Variants in CLVS1 observed in about 807,000 individuals in gnomAD.
CLVS1 encodes the protein clavesin 1.
In CLVS1, 10 loss-of-function variants were observed where a neutral mutation model predicts 33.1. That is an observed-to-expected ratio of 0.30 (90% CI 0.19 to 0.51). The LOEUF is 0.51. Among genes scored for constraint, CLVS1 ranks in the 20% least tolerant of loss-of-function variants. CLVS1 has a pLI of 0.97. For synonymous variants in CLVS1, 163 were observed against 166.1 expected (o/e 0.98, Z 0.14); for missense variants, 343 against 433.4 (o/e 0.79, Z 1.85).
At chr8:61,464,562 G>A (rs895405597) in intron 5 of CLVS1, 1 of 152,224 alleles carries the variant, frequency 6.6e-6, no homozygotes, top group Admixed American at 6.5e-5. Context: ...AGCGTTCTGA[G>A]GAAGAATCAC....
At chr8:60,970,758 T>C in the CLVS1 span, among the ~76,000 whole-genome samples, 1 of 152,238 alleles carries the variant, frequency 6.6e-6, no homozygotes, top group South Asian at 2.1e-4. Context: ...TGTGACTTGG[T>C]ATATGTCATG....
intron 2 of CLVS1, among the ~76,000 whole-genome samples, chr8:61,340,439 A>G (rs1024061661): frequency 1.3e-5 from 2 of 152,082 alleles, no homozygotes; most frequent in African/African-American, 4.8e-5. Flanking sequence ...ATCATGCGGC[A>G]TTTGTCTTTC....
At chr8:61,349,516 G>A (rs7011398) in intron 2 of CLVS1, among the ~76,000 whole-genome samples, 2,543 of 152,130 alleles carry the variant, frequency 0.017, 78 homozygotes, top group African/African-American at 0.057. Flanking sequence ...CTGAGGTGGG[G>A]AACAGTGAGA....
chr8:61,271,034 A>C (rs1419810089), intron 2 of CLVS1, among the ~76,000 whole-genome samples: 2 of 143,806 alleles, frequency 1.4e-5, no homozygotes, highest in Non-Finnish European at 3.1e-5. Context: ...CTCTGATTTT[A>C]GTTATTTCTT....
chr8:61,441,663 G>A (rs1816551250), intron 3 of CLVS1, among the ~76,000 whole-genome samples: 1 of 152,138 alleles, frequency 6.6e-6, no homozygotes, highest in Non-Finnish European at 1.5e-5. Context: ...TGAGCCAACG[G>A]CCACGGGTGA....
the CLVS1 span, among the ~76,000 whole-genome samples, chr8:61,002,938 A>G: frequency 6.6e-6 from 1 of 152,174 alleles, no homozygotes; most frequent in South Asian, 2.1e-4. Context: ...GCTGCCTTAC[A>G]TTTTGCTTTT....
the CLVS1 span, among the ~76,000 whole-genome samples, chr8:61,000,028 GA>G: frequency 6.6e-6 from 1 of 152,204 alleles, no homozygotes; most frequent in Non-Finnish European, 1.5e-5. Context: ...AAGTGAGGAA[GA>G]GCTGCATCTG....
rs569089495 is a variant in CLVS1, at chr8:61,103,938, C to G, written c.-242-27832C>G. ...TATCATCCCTCATCTGGAAGCTTAA[C>G]AAAACACTAACTACAAAGTCTTTGG... On this transcript the variant is annotated intron_variant, in intron 1 of 2. Coordinates refer to the CLVS1 transcript ENST00000522621. 2.0e-5 allele frequency among the ~76,000 whole-genome samples: 3 copies of G among 152,308 alleles called. No individual in the cohort carries two copies. The East Asian group carries it at 5.8e-4, about 29-fold the overall frequency.
intron 1 of CLVS1, among the ~76,000 whole-genome samples, chr8:61,075,839 C>T (rs1421707526): frequency 6.6e-6 from 1 of 152,212 alleles, no homozygotes; most frequent in East Asian, 1.9e-4. Context: ...CTTTTTCTCA[C>T]ACATCCTATC....
intron 3 of CLVS1, among the ~76,000 whole-genome samples, chr8:61,387,777 A>G (rs1299840908): frequency 6.6e-6 from 1 of 152,194 alleles, no homozygotes; most frequent in East Asian, 1.9e-4. Flanking sequence ...ATGGTCTTTA[A>G]TTCCATCCAG....
At chr8:61,499,084 T>C (rs1005564059) in intron 5 of CLVS1, among the ~76,000 whole-genome samples, 11 of 152,188 alleles carry the variant, frequency 7.2e-5, no homozygotes, top group African/African-American at 2.7e-4. Context: ...AAAATGCTTT[T>C]TTGCCGTAAA....
At chr8:61,338,997 CAT>C (rs1247152490) in intron 2 of CLVS1, among the ~76,000 whole-genome samples, 4 of 130,812 alleles carry the variant, frequency 3.1e-5, no homozygotes, top group Non-Finnish European at 1.6e-5. Context: ...TGTGTGTATG[CAT>C]GTGAGTGTGT....
chr8:61,446,035 G>C (rs1254834527), intron 3 of CLVS1, among the ~76,000 whole-genome samples: 1 of 152,018 alleles, frequency 6.6e-6, no homozygotes, highest in East Asian at 1.9e-4. Context: ...TTGGTAATTT[G>C]TGACTTCTTT....
In CLVS1 at chr8:61,142,478, G is replaced by A. The variant is rs142649464; in HGVS notation, c.-152+10618G>A. On this transcript the variant is annotated intron_variant, in intron 2 of 2. Transcript: ENST00000522621. ...CGTTGGCCTTGCCATGAGTAAGTGG[G>A]CCTCACTTAAGTCTCACTGGCTGAT... Among the ~76,000 whole-genome samples, 640 of 152,300 alleles carry A rather than the reference G, an allele frequency of 4.2e-3. 5 individuals are homozygous for A. The highest frequency in any genetic ancestry group is 0.014 in the African/African-American group (591 of 41,548).
intron 5 of CLVS1, among the ~76,000 whole-genome samples, chr8:61,483,368 T>A (rs1272856964): frequency 1.3e-5 from 2 of 152,194 alleles, no homozygotes; most frequent in Non-Finnish European, 2.9e-5. Flanking sequence ...TCTGGACACA[T>A]ACACCCTCCT....
At chr8:61,215,016 G>A (rs1428767540) in intron 2 of CLVS1, among the ~76,000 whole-genome samples, 1 of 152,156 alleles carries the variant, frequency 6.6e-6, no homozygotes, top group African/African-American at 2.4e-5. Flanking sequence ...AATTCCTATT[G>A]TGTAACATAA....
rs140812439 is a variant in CLVS1, at chr8:61,114,668, G to A, written c.-242-17102G>A. 3.0e-3 allele frequency among the ~76,000 whole-genome samples: 455 copies of A among 152,244 alleles called. 5 individuals carry two copies. The highest frequency in any genetic ancestry group is 0.011 in the Admixed American group (168 of 15,298). On this transcript the variant is annotated intron_variant, in intron 1 of 2. Transcript: ENST00000522621. ...AAAAACATCATTGCAAGTGAAACAG[G>A]TATTTACCAAGAGTTCTAGAATGGC...
intron 2 of CLVS1, among the ~76,000 whole-genome samples, chr8:61,199,750 T>G (rs915118953): frequency 6.6e-6 from 1 of 152,254 alleles, no homozygotes; most frequent in Non-Finnish European, 1.5e-5. Context: ...ATATGCCACA[T>G]GATCCAATGT....
intron 2 of CLVS1, among the ~76,000 whole-genome samples, chr8:61,233,550 A>C (rs1323826312): frequency 2.6e-5 from 4 of 152,024 alleles, no homozygotes; most frequent in Non-Finnish European, 5.9e-5. Flanking sequence ...AGAAAAAAAA[A>C]AGTCCACGTC....
Sources: gnomAD v4.1 joint callset for allele counts (sites outside exome capture counted in the v4.1 genomes callset) on GRCh38, gnomAD v4.1.1 for gene constraint, MANE v1.5 for transcripts, NCBI Gene and HGNC (gene_info 2026-07-23, HGNC 2026-07-21) for gene names.